Variants in NEDD4 observed in about 807,000 individuals in gnomAD.
The protein encoded by NEDD4 is E3 ubiquitin-protein ligase NEDD4.
Under a neutral mutation model 144.9 loss-of-function variants are expected in NEDD4, and 99 were observed. The ratio of observed to expected loss-of-function variants is 0.68; its 90% CI spans 0.58 to 0.81. The LOEUF (loss-of-function observed/expected upper bound fraction) is 0.81, where lower values mean the gene tolerates loss of function less well. Ranked by LOEUF, NEDD4 falls within the 30% of genes least tolerant of loss-of-function variation. The pLI, the probability that NEDD4 is intolerant of heterozygous loss-of-function variation, is 0.00. For synonymous variants in NEDD4, 318 were observed against 350.6 expected (o/e 0.91, Z 1.04); for missense variants, 985 against 1,065.9 (o/e 0.92, Z 1.06).
intron 12 of NEDD4, among the ~76,000 whole-genome samples, chr15:55,852,958 C>G (rs2034053109): frequency 6.6e-6 from 1 of 151,868 alleles, no homozygotes; most frequent in Non-Finnish European, 1.5e-5. Flanking sequence ...CCATATTGGC[C>G]AGGCTGGTCT....
At chr15:55,957,125 G>C (rs1447718200) in intron 2 of NEDD4, among the ~76,000 whole-genome samples, 1 of 152,132 alleles carries the variant, frequency 6.6e-6, no homozygotes, top group Non-Finnish European at 1.5e-5. Context: ...CTGATTTTGG[G>C]TTATACAAAC....
At chr15:55,886,042 G>T (rs992999284) in intron 5 of NEDD4, among the ~76,000 whole-genome samples, 1 of 151,946 alleles carries the variant, frequency 6.6e-6, no homozygotes, top group African/African-American at 2.4e-5. Flanking sequence ...TCAAAAAAGG[G>T]CATGAGTAGC....
intron 21 of NEDD4, among the ~76,000 whole-genome samples, chr15:55,840,002 ATATATATATATATATATATATAT>A (rs2033421634): frequency 4.3e-4 from 9 of 20,794 alleles, no homozygotes; most frequent in African/African-American, 8.3e-4. Context: ...AAAAAAAAAT[ATATATATATATATATATATATAT>A]ATATATATAT....
chr15:55,899,182 C>T (rs2035833036), intron 5 of NEDD4, among the ~76,000 whole-genome samples: 4 of 152,064 alleles, frequency 2.6e-5, no homozygotes, highest in African/African-American at 9.7e-5. Flanking sequence ...TTTTCTTCTT[C>T]TTTTTAATTC....
intron 5 of NEDD4, among the ~76,000 whole-genome samples, chr15:55,877,577 A>G (rs139377739): frequency 1.5e-3 from 229 of 152,272 alleles, no homozygotes; most frequent in African/African-American, 5.2e-3. Flanking sequence ...AGGTTATGTA[A>G]ATAGCCCATT....
At chr15:55,871,720 G>A (rs549071559) in intron 7 of NEDD4, among the ~76,000 whole-genome samples, 2 of 152,010 alleles carry the variant, frequency 1.3e-5, no homozygotes, top group African/African-American at 2.4e-5. Context: ...AGTTCCAAAA[G>A]TACATTTTCA....
intron 6 of NEDD4, among the ~76,000 whole-genome samples, chr15:55,872,843 CAA>C (rs2034852386): frequency 1.4e-5 from 2 of 147,486 alleles, no homozygotes. Flanking sequence ...TCTAGGAGAT[CAA>C]AAAAGTCAAC....
At chr15:55,852,085 C>G (rs937821905) in intron 13 of NEDD4, among the ~76,000 whole-genome samples, 3 of 151,806 alleles carry the variant, frequency 2.0e-5, no homozygotes, top group Non-Finnish European at 4.4e-5. Context: ...CACCTGAGGT[C>G]AGGAGTTTCA....
At position 55,979,070 on chromosome 15, in the gene NEDD4, T is replaced by TAC. The variant is rs565787783; in HGVS notation, c.46-12525_46-12524insGT. The stretch of plus-strand genomic sequence containing the variant: ...ACCCTAGTAAGTCTATTTTTAAAAA[T>TAC]ATATATATATACCCCATTTTTACTT... On this transcript the variant is annotated intron_variant, in intron 1 of 28. Coordinates refer to ENST00000435532, the MANE Select transcript of NEDD4 (RefSeq NM_006154.4). Among the ~76,000 whole-genome samples, 34 of 151,570 alleles carry TAC rather than the reference T, an allele frequency of 2.2e-4. 1 individual carries two copies. The South Asian group carries it at 7.1e-3, about 32-fold the overall frequency.
chr15:55,915,200 C>T, intron 5 of NEDD4: 1 of 1,290,942 alleles, frequency 7.7e-7, no homozygotes, highest in African/African-American at 1.5e-5. Flanking sequence ...TGTAAAACTG[C>T]TTGGTTACAA....
chr15:55,988,487 T>TTA (rs1491113693), intron 1 of NEDD4, among the ~76,000 whole-genome samples: 3 of 101,688 alleles, frequency 3.0e-5, no homozygotes, highest in Non-Finnish European at 3.7e-5. Flanking sequence ...AAAAAAAAAT[T>TTA]AAAAAAAAAA....
In NEDD4 at chr15:55,924,374, T is replaced by C. The variant is rs534260230; in HGVS notation, c.291+272A>G. ...TGAGAGGGAAGGCAGGACAAAGAGGTTGGTTTTCTGTCCTCTCCTGTCACA... is the reference window on the plus strand; with the variant it reads ...TGAGAGGGAAGGCAGGACAAAGAGGCTGGTTTTCTGTCCTCTCCTGTCACA... On this transcript the variant is annotated intron_variant, in intron 5 of 28. Coordinates refer to ENST00000435532, the MANE Select transcript of NEDD4 (RefSeq NM_006154.4). 247 of 330,406 alleles carry C rather than the reference T, an allele frequency of 7.5e-4. 2 individuals are homozygous for C. The Middle Eastern group carries it at 0.013, about 18-fold the overall frequency. The allele number at this position is 330,406 out of a possible 1,614,324, so 20.5% of individuals were successfully genotyped here. A position where few individuals can be genotyped will look rare whatever the true frequency, so the allele number is the denominator to read the frequency against.
Position 55,993,586 on chromosome 15 carries a change from T to TCGCCCC in NEDD4, c.-37_-32dup, listed in dbSNP as rs773906995. ...AACGCTTCCAGCAAACCGGACGCGC[T>TCGCCCC]CGCCCCCGCCCAGGGCAGGCAACTG... On this transcript the variant is annotated 5_prime_UTR_variant, in exon 1 of 29. Transcript: ENST00000435532. The TCGCCCC allele has an allele frequency of 8.2e-6, 13 of 1,589,052 alleles. No individual in the cohort carries two copies. The South Asian group carries it at 9.0e-5, about 11-fold the overall frequency.
At position 55,872,997 on chromosome 15, in the gene NEDD4, A is replaced by AT. The variant is rs1392048357; in HGVS notation, c.343-522dup. Reference sequence around the variant, plus strand: ...TAACTCACAAGACTGAAAAAGAAGTATTTTTTCTCTTTCTTTAAAATTCAG... The same window carrying AT: ...TAACTCACAAGACTGAAAAAGAAGTATTTTTTTCTCTTTCTTTAAAATTCAG... On this transcript the variant is annotated intron_variant, in intron 6 of 28. Coordinates refer to ENST00000435532, the MANE Select transcript of NEDD4 (RefSeq NM_006154.4). Among the ~76,000 whole-genome samples the AT allele has an allele frequency of 2.0e-5, 3 of 151,654 alleles. No individual in the cohort carries two copies. The East Asian group carries it at 5.8e-4, about 29-fold the overall frequency.
chr15:55,884,769 A>G (rs2035326493), intron 5 of NEDD4, among the ~76,000 whole-genome samples: 1 of 152,268 alleles, frequency 6.6e-6, no homozygotes. Flanking sequence ...GACAAAATAA[A>G]AAGAATAAAA....
chr15:55,951,821 C>T (rs1259918201), intron 2 of NEDD4, among the ~76,000 whole-genome samples: 1 of 151,918 alleles, frequency 6.6e-6, no homozygotes, highest in African/African-American at 2.4e-5. Flanking sequence ...GAAAGAAAAC[C>T]TTTTAATCAC....
At chr15:55,908,477 A>ATACT (rs1268864628) in intron 5 of NEDD4, among the ~76,000 whole-genome samples, 3 of 152,170 alleles carry the variant, frequency 2.0e-5, no homozygotes, top group Admixed American at 6.5e-5. Context: ...GACTCAATGG[A>ATACT]TACTTCGACT....
intron 12 of NEDD4, among the ~76,000 whole-genome samples, chr15:55,854,859 G>C (rs1454501713): frequency 6.6e-6 from 1 of 152,190 alleles, no homozygotes; most frequent in African/African-American, 2.4e-5. Flanking sequence ...ATCATCTCGA[G>C]ATTCTGCTGC....
chr15:55,950,237 A>G (rs1399709017), intron 4 of NEDD4, among the ~76,000 whole-genome samples: 1 of 152,180 alleles, frequency 6.6e-6, no homozygotes, highest in African/African-American at 2.4e-5. Flanking sequence ...CCGATTTAAA[A>G]GGTTGTTTTT....
Sources: allele counts gnomAD v4.1 joint callset (sites outside exome capture counted in the v4.1 genomes callset), GRCh38; gene constraint gnomAD v4.1.1; transcripts MANE v1.5; gene names NCBI Gene and HGNC (gene_info 2026-07-23, HGNC 2026-07-21).